Variants in PELI2 observed in about 807,000 individuals in gnomAD.
The protein encoded by PELI2 is pellino E3 ubiquitin protein ligase family member 2, also known as E3 ubiquitin-protein ligase pellino homolog 2.
In PELI2, 23 loss-of-function variants were observed where a neutral mutation model predicts 42.3. The observed-to-expected ratio is 0.54, with a 90% CI of 0.39 to 0.77. The LOEUF is 0.77. PELI2 is among the 30% of genes least tolerant of loss of function. The pLI, the probability that PELI2 is intolerant of heterozygous loss-of-function variation, is 0.00. For synonymous variants in PELI2, 245 were observed against 212.2 expected, an observed-to-expected ratio of 1.15 and a Z score of -1.34; for missense variants, 463 against 553.2, an observed-to-expected ratio of 0.84 and a Z score of 1.64.
rs3832944 is a variant in PELI2, at chr14:56,118,617, A to AGGCGGCGGCGTCGGCGGCGGCGTC, written c.-37_-14dup. The AGGCGGCGGCGTCGGCGGCGGCGTC allele has an allele frequency of 8.1e-7, 1 of 1,234,078 alleles. No individual in the cohort carries two copies. The highest frequency in any genetic ancestry group is 1.1e-6 in the Non-Finnish European group (1 of 945,402). The allele number at this position is 1,234,078 out of a possible 1,614,324, so 76.4% of individuals were successfully genotyped here. ...GCGGACTCGGCGGGGATCGCGGCGG[A>AGGCGGCGGCGTCGGCGGCGGCGTC]GGCGGCGGCGTCGGCGGCGGCGTCG... is the stretch of plus-strand genomic sequence containing the variant. On this transcript the variant is annotated 5_prime_UTR_variant, in exon 1 of 6. Coordinates refer to ENST00000267460, the MANE Select transcript of PELI2 (RefSeq NM_021255.3).
intron 1 of PELI2, among the ~76,000 whole-genome samples, chr14:56,175,248 G>A (rs1037388638): frequency 3.3e-5 from 5 of 152,036 alleles, no homozygotes; most frequent in Admixed American, 6.6e-5. Flanking sequence ...TACCTGCCTC[G>A]GCCTCCCAAA....
chr14:56,193,179 A>C (rs565176154), intron 2 of PELI2, among the ~76,000 whole-genome samples: 4 of 152,364 alleles, frequency 2.6e-5, no homozygotes, highest in African/African-American at 9.6e-5. Context: ...GGCTGGTCTC[A>C]GTCCTCTGAG....
At chr14:56,246,553 A>G (rs1888168897) in intron 2 of PELI2, among the ~76,000 whole-genome samples, 1 of 152,134 alleles carries the variant, frequency 6.6e-6, no homozygotes, top group African/African-American at 2.4e-5. Flanking sequence ...AGCGTGGTCT[A>G]CCAGTATTGA....
intron 2 of PELI2, among the ~76,000 whole-genome samples, chr14:56,223,744 C>T (rs143657892): frequency 6.6e-6 from 1 of 152,286 alleles, no homozygotes; most frequent in African/African-American, 2.4e-5. Context: ...TGTTTAGTAA[C>T]TCTCTGAAGT....
intron 2 of PELI2, among the ~76,000 whole-genome samples, chr14:56,245,306 T>C (rs1348940074): frequency 6.6e-6 from 1 of 152,184 alleles, no homozygotes; most frequent in Non-Finnish European, 1.5e-5. Flanking sequence ...ATTAATTAGC[T>C]TAGATGTGGA....
intron 1 of PELI2, 121 bp from the exon 2 acceptor site, chr14:56,178,214 T>C: frequency 1.1e-6 from 1 of 910,400 alleles, no homozygotes; most frequent in South Asian, 1.7e-5. Flanking sequence ...TTTTGTGGAG[T>C]GTTTAGTGGG....
chr14:56,211,105 C>T (rs1278785936), intron 2 of PELI2, among the ~76,000 whole-genome samples: 1 of 152,140 alleles, frequency 6.6e-6, no homozygotes, highest in Non-Finnish European at 1.5e-5. Context: ...TCTTGCTACG[C>T]TGTCAACTGA....
At chr14:56,236,050 T>C (rs1307055559) in intron 2 of PELI2, among the ~76,000 whole-genome samples, 1 of 152,200 alleles carries the variant, frequency 6.6e-6, no homozygotes, top group African/African-American at 2.4e-5. Context: ...ACTATTACTT[T>C]AAAAAAATTA....
Position 56,277,188 on chromosome 14 carries a change from G to A in PELI2, c.208-2488G>A, listed in dbSNP as rs551513215. Among the ~76,000 whole-genome samples, 101 of 152,254 alleles carry A rather than the reference G, an allele frequency of 6.6e-4. 1 individual carries two copies. The highest frequency in any genetic ancestry group is 2.3e-3 in the African/African-American group (96 of 41,524). ...AGTGGTCTGTGGCCTGTTTGGAACT[G>A]GGCCGCACAGCAGGAGGTGAGGAGC... On this transcript the variant is annotated intron_variant, in intron 2 of 5. Coordinates refer to ENST00000267460, the MANE Select transcript of PELI2 (RefSeq NM_021255.3).
intron 3 of PELI2, among the ~76,000 whole-genome samples, chr14:56,281,107 G>A (rs1020487842): frequency 2.6e-5 from 4 of 152,118 alleles, no homozygotes; most frequent in African/African-American, 9.7e-5. Context: ...GGGCAACATT[G>A]CAGTACTACC....
chr14:56,170,401 A>G (rs1367081190), intron 1 of PELI2, among the ~76,000 whole-genome samples: 1 of 152,248 alleles, frequency 6.6e-6, no homozygotes, highest in African/African-American at 2.4e-5. Flanking sequence ...TCTTATTGAC[A>G]AATACATTTT....
intron 2 of PELI2, among the ~76,000 whole-genome samples, chr14:56,227,988 G>A (rs1398686201): frequency 2.6e-5 from 4 of 152,132 alleles, no homozygotes; most frequent in African/African-American, 9.7e-5. Context: ...TGCTAGGAGT[G>A]GAACTAAAAA....
chr14:56,290,369 C>G lies in PELI2; in HGVS notation c.609C>G (p.Ser203=), dbSNP rs1889789157. 9 of 1,613,714 alleles carry G rather than the reference C, an allele frequency of 5.6e-6. No individual in the cohort carries two copies. In the East Asian group the frequency reaches 2.0e-4, roughly 36 times the overall value. ...CACGAGGGGGCTTCACCGAGGAGTC[C>G]CAGCCCGGGGTCTGGCGCGAGATCT... is the stretch of plus-strand genomic sequence containing the variant. ...MHPRGGFTEE[S]QPGVWREISV... Residue 203 remains serine (S), a synonymous_variant, in exon 5 of 6, where the codon TCC becomes TCG. Transcript: ENST00000267460.
intron 5 of PELI2, among the ~76,000 whole-genome samples, chr14:56,290,907 A>G (rs1273228001): frequency 6.6e-6 from 1 of 152,226 alleles, no homozygotes; most frequent in African/African-American, 2.4e-5. Context: ...TTGAATTCCT[A>G]TATATTAAGG....
intron 2 of PELI2, among the ~76,000 whole-genome samples, chr14:56,228,034 A>C (rs948884549): frequency 6.6e-6 from 1 of 152,376 alleles, no homozygotes; most frequent in African/African-American, 2.4e-5. Context: ...CTAGGCATCG[A>C]AAATAATGTA....
chr14:56,258,291 C>G (rs903532424), intron 2 of PELI2, among the ~76,000 whole-genome samples: 11 of 151,712 alleles, frequency 7.3e-5, no homozygotes, highest in Non-Finnish European at 1.6e-4. Flanking sequence ...CAAGAACCGC[C>G]CCCCCACCCC....
At chr14:56,191,049 C>T (rs533087105) in intron 2 of PELI2, among the ~76,000 whole-genome samples, 10 of 152,290 alleles carry the variant, frequency 6.6e-5, no homozygotes, top group East Asian at 1.9e-4. Flanking sequence ...TGACAGTCCC[C>T]GATGCCACCC....
At chr14:56,161,272 G>A (rs1884755254) in intron 1 of PELI2, among the ~76,000 whole-genome samples, 1 of 149,778 alleles carries the variant, frequency 6.7e-6, no homozygotes, top group African/African-American at 2.4e-5. Flanking sequence ...ATTAGCATTT[G>A]TCAGGGGTCT....
chr14:56,215,482 T>TA (rs750749414), intron 2 of PELI2, among the ~76,000 whole-genome samples: 2 of 152,200 alleles, frequency 1.3e-5, no homozygotes, highest in Non-Finnish European at 2.9e-5. Flanking sequence ...ATACTTGTCT[T>TA]TTAGATTTAG....
Sources: gnomAD v4.1 joint callset for allele counts (sites outside exome capture counted in the v4.1 genomes callset) on GRCh38, gnomAD v4.1.1 for gene constraint, MANE v1.5 for transcripts, NCBI Gene and HGNC (gene_info 2026-07-23, HGNC 2026-07-21) for gene names.